The following ALS2 variants were observed in gnomAD, a reference collection of about 807,000 sequenced individuals.
The protein encoded by ALS2 is alsin.
ALS2 carries 117 observed loss-of-function variants against 203.4 expected under a neutral mutation model. The observed-to-expected ratio is 0.58, with a 90% CI of 0.50 to 0.67. The LOEUF (loss-of-function observed/expected upper bound fraction) is 0.67, where lower values mean the gene tolerates loss of function less well. Among genes scored for constraint, ALS2 ranks in the 30% least tolerant of loss-of-function variants. ALS2 has a pLI of 0.00. For missense variants in ALS2, 1,715 were observed against 1,989.4 expected (o/e 0.86, Z 2.62); for synonymous variants, 718 against 725.9 (o/e 0.99, Z 0.17).
intron 13 of ALS2, among the ~76,000 whole-genome samples, chr2:201,732,351 C>T (rs573421410): frequency 4.6e-4 from 67 of 146,694 alleles, no homozygotes; most frequent in Non-Finnish European, 7.7e-4. Context: ...GTCAGGAGTT[C>T]GAGGCCAGCC....
chr2:201,761,237 C>T lies in ALS2; in HGVS notation c.757G>A (p.Asp253Asn). 1 of 1,614,158 alleles carries T rather than the reference C, an allele frequency of 6.2e-7. No homozygotes were observed. Among genetic ancestry groups the T allele is most frequent in the African/African-American group, 1.3e-5 (1 of 75,004 alleles). ...ACACCTAATGGGCAACAATGACTGT[C>T]TGATATAATCACATGGTCTTCTTTG... The part of the protein sequence containing the change: ...TDKEDHVIIS[D>N]SHCCPLGVTL... The change falls in exon 4 of 34, where the codon GAC becomes AAC. Residue 253 changes from aspartate (D) to asparagine (N), a missense_variant. Transcript: ENST00000264276.
intron 25 of ALS2, 92 bp from the exon 26 acceptor site, chr2:201,711,200 GTCAA>G: frequency 3.6e-6 from 3 of 824,024 alleles, no homozygotes; most frequent in Non-Finnish European, 6.3e-6. Flanking sequence ...ACTAGCTCCA[GTCAA>G]AGTGGAGCAT....
At position 201,728,572 on chromosome 2, in the gene ALS2, A is replaced by G. The variant is rs1559052377; in HGVS notation, c.2781T>C (p.His927=). Residue 927 remains histidine, a synonymous_variant, in exon 15 of 34, where the codon CAT becomes CAC. Coordinates refer to ENST00000264276, the MANE Select transcript of ALS2 (RefSeq NM_020919.4). ...ACCAATTCACGGAAAACCTCCCAGC[A>G]TGCTGCAGAGACAGGGCTCGGTTAC... is the stretch of plus-strand genomic sequence containing the variant. ...ESSNRALSLQ[H]AGRFSVNWFI... is the part of the protein sequence containing the mutation. The G allele has an allele frequency of 6.2e-7, 1 of 1,614,168 alleles. No homozygotes were observed. Among genetic ancestry groups the G allele is most frequent in the Non-Finnish European group, 8.5e-7 (1 of 1,180,032 alleles).
At chr2:201,731,589 A>G (rs1048485402) in intron 13 of ALS2, among the ~76,000 whole-genome samples, 1 of 152,212 alleles carries the variant, frequency 6.6e-6, no homozygotes, top group African/African-American at 2.4e-5. Context: ...TAAAAGTATC[A>G]TCATTATTTT....
rs77231920 is a variant in ALS2 at position 201,773,620 on chromosome 2, G to A, written c.-60-4675C>T. Among the ~76,000 whole-genome samples, 942 of 152,324 alleles carry A rather than the reference G, an allele frequency of 6.2e-3. 14 individuals carry two copies. The highest frequency in any genetic ancestry group is 0.022 in the African/African-American group (911 of 41,564). ...CCCAAGAGTACATATTAAGTGAATAGCTGAATATATGAACATGGAGTTCAA... is the reference window on the plus strand; with the variant it reads ...CCCAAGAGTACATATTAAGTGAATAACTGAATATATGAACATGGAGTTCAA... On this transcript the variant is annotated intron_variant, in intron 1 of 33. Transcript: ENST00000264276.
chr2:201,737,970 G>C (rs190605910), intron 12 of ALS2, among the ~76,000 whole-genome samples: 52 of 151,646 alleles, frequency 3.4e-4, no homozygotes, highest in Middle Eastern at 3.4e-3. Context: ...GCTAAATCTG[G>C]GTGGTAAGTA....
chr2:201,729,063 CG>C lies in ALS2; in HGVS notation c.2700del (p.Gly901GlufsTer3), dbSNP rs767762611. 1 of 1,614,026 alleles carries C rather than the reference CG, an allele frequency of 6.2e-7. No homozygotes were observed. The highest frequency in any genetic ancestry group is 1.1e-5 in the South Asian group (1 of 91,090). ...EYTLGFWKTF[P>X]GKMTDSLRKP... ...CTGGCATGGCTTACCGTCATTTTTC[CG>C]GGGAAGGTCTTCCAGAAGCCCAGTG... is the stretch of plus-strand genomic sequence containing the variant. On this transcript the variant is annotated frameshift_variant, in exon 14 of 34. Coordinates refer to ENST00000264276, the MANE Select transcript of ALS2 (RefSeq NM_020919.4). LOFTEE classifies it high-confidence loss of function.
At chr2:201,729,945 T>C (rs1691452486) in intron 13 of ALS2, among the ~76,000 whole-genome samples, 1 of 151,890 alleles carries the variant, frequency 6.6e-6, no homozygotes, top group Non-Finnish European at 1.5e-5. Context: ...CCACATTTTT[T>C]CAAATCTCTT....
At chr2:201,705,116 C>G in intron 31 of ALS2, 23 bp downstream of exon 31, 1 of 1,609,440 alleles carries the variant, frequency 6.2e-7, no homozygotes, top group Non-Finnish European at 8.5e-7. Context: ...ATTTGTATGG[C>G]TTTTCAACAA....
chr2:201,776,505 T>C (rs1365035265), intron 1 of ALS2, among the ~76,000 whole-genome samples: 6 of 152,196 alleles, frequency 3.9e-5, no homozygotes, highest in Admixed American at 3.9e-4. Context: ...TGCATTGTGA[T>C]GAATATTATA....
intron 1 of ALS2, among the ~76,000 whole-genome samples, chr2:201,771,844 T>C (rs1262592194): frequency 6.6e-6 from 1 of 152,224 alleles, no homozygotes; most frequent in Non-Finnish European, 1.5e-5. Flanking sequence ...CCTTGTACTC[T>C]GCTGCTTTTC....
In ALS2 at chr2:201,715,748, C is replaced by T; in HGVS notation, c.3928G>A (p.Gly1310Ser). ...CWRQLGCEGP[G>S]QGEVWKAWDN... is the part of the protein sequence containing the mutation. ...CATGCTTTCCAAACTTCCCCTTGGC[C>T]TGGGCCCTCACAGCCCAGTTGGCGC... The change falls in exon 25 of 34, where the codon GGC becomes AGC. Residue 1310 changes from glycine (G) to serine (S), a missense_variant. Transcript: ENST00000264276. 1 of 1,614,256 alleles carries T rather than the reference C, an allele frequency of 6.2e-7. No individual in the cohort carries two copies.
rs190853966 is a variant in ALS2, at chr2:201,708,892, A to G, written c.4281-901T>C. Reference sequence around the variant, plus strand: ...AATTGTATAGTTGAAAAAAACTAAAAAAGGTCAGGACACTTACTTTCATTA... The same window carrying G: ...AATTGTATAGTTGAAAAAAACTAAAGAAGGTCAGGACACTTACTTTCATTA... On this transcript the variant is annotated intron_variant, in intron 27 of 33. Coordinates refer to ENST00000264276, the MANE Select transcript of ALS2 (RefSeq NM_020919.4). 4.5e-3 allele frequency among the ~76,000 whole-genome samples: 691 copies of G among 152,306 alleles called. 2 individuals carry two copies. Among genetic ancestry groups the G allele is most frequent in the Non-Finnish European group, 8.4e-3 (573 of 68,030 alleles).
chr2:201,719,589 A>G (rs1690633029), intron 23 of ALS2, among the ~76,000 whole-genome samples: 1 of 141,628 alleles, frequency 7.1e-6, no homozygotes, highest in African/African-American at 2.7e-5. Flanking sequence ...CTCCGTCTCG[A>G]AAAAAATAAA....
chr2:201,741,854 T>C lies in ALS2; in HGVS notation c.2171A>G (p.Glu724Gly), dbSNP rs1692288811. 2 of 1,611,396 alleles carry C rather than the reference T, an allele frequency of 1.2e-6. No individual in the cohort carries two copies. The highest frequency in any genetic ancestry group is 1.7e-6 in the Non-Finnish European group (2 of 1,177,836). Residue 724 changes from glutamate (E) to glycine (G), a missense_variant and splice_region_variant, in exon 11 of 34, where the codon GAA (glutamate) becomes GGA (glycine). Glu to Gly is a moderately conservative substitution (Grantham distance 98, BLOSUM62 -2). This residue lies in a region of ALS2 where 1,227 missense variants were observed against 1,413.5 expected (regional missense o/e 0.87). Transcript: ENST00000264276. ...GACTGTAGTTGTAGTGCCCAAATTT[T>C]CTATAACAAAATAATGATGATGATG... ...SQILRPLLSL[E>G]NLGTTTTVQL...
chr2:201,774,068 T>C (rs969669019), intron 1 of ALS2, among the ~76,000 whole-genome samples: 3 of 152,200 alleles, frequency 2.0e-5, no homozygotes, highest in Non-Finnish European at 4.4e-5. Flanking sequence ...CAGTGGGTGA[T>C]CCTTTTGAAA....
At chr2:201,758,001 T>C (rs1379362078) in intron 4 of ALS2, among the ~76,000 whole-genome samples, 1 of 152,138 alleles carries the variant, frequency 6.6e-6, no homozygotes, top group Non-Finnish European at 1.5e-5. Flanking sequence ...AGATGTTGTG[T>C]TTTTCTATGG....
At chr2:201,763,858 C>T (rs574865493) in intron 3 of ALS2, among the ~76,000 whole-genome samples, 18 of 152,232 alleles carry the variant, frequency 1.2e-4, no homozygotes, top group African/African-American at 3.4e-4. Context: ...GACTTGGCTA[C>T]GGGTTTTAAA....
Position 201,704,055 on chromosome 2 carries a change from A to G in ALS2, c.4935+67T>C, listed in dbSNP as rs1574653346. The G allele has an allele frequency of 6.3e-6, 9 of 1,417,994 alleles. No individual in the cohort carries two copies. The Middle Eastern group carries it at 7.4e-4, about 117-fold the overall frequency. 87.8% of individuals were successfully genotyped at this position (1,417,994 alleles called of 1,614,324 possible). On this transcript the variant is annotated intron_variant, in intron 33 of 33. Transcript: ENST00000264276. Reference sequence around the variant, plus strand: ...TTATACAAAAAAAGTGGTTAATGGCATTTATAATATGGTAAATGAAAGACA... The same window carrying G: ...TTATACAAAAAAAGTGGTTAATGGCGTTTATAATATGGTAAATGAAAGACA...
Sources: allele counts gnomAD v4.1 joint callset (sites outside exome capture counted in the v4.1 genomes callset), GRCh38; gene constraint gnomAD v4.1.1; regional missense constraint gnomAD v4.1.1; transcripts MANE v1.5; gene names NCBI Gene and HGNC (gene_info 2026-07-23, HGNC 2026-07-21).